The following HIBCH variants were observed in gnomAD, a reference collection of about 807,000 sequenced individuals.
HIBCH encodes the protein 3-hydroxyisobutyryl-CoA hydrolase, also known as 3-hydroxyisobutyryl-CoA hydrolase, mitochondrial.
In HIBCH, 50 loss-of-function variants were observed where a neutral mutation model predicts 58.2. The ratio of observed to expected loss-of-function variants is 0.86; its 90% confidence interval spans 0.68 to 1.09. The LOEUF is 1.09. Among genes scored for constraint, HIBCH ranks in the 50% least tolerant of loss-of-function variants. The pLI is 0.00. For synonymous variants in HIBCH, 151 were observed against 146.9 expected (o/e 1.03, Z -0.20); for missense variants, 450 against 449.7 (o/e 1.00, Z -0.01).
At chr2:190,202,340 T>C (rs2105892424), downstream of HIBCH, 1 of 167,172 alleles carries the variant, frequency 6.0e-6, no homozygotes, top group East Asian at 1.9e-4. Context: ...TATTGTATGT[T>C]AACCCATGAC....
intron 3 of HIBCH, 55 bp downstream of exon 3, chr2:190,296,758 T>A: frequency 6.9e-7 from 1 of 1,445,266 alleles, no homozygotes; most frequent in African/African-American, 1.4e-5. Flanking sequence ...AGAAATGTCC[T>A]ATTATGATAT....
At chr2:190,312,722 A>T (rs1252365225) in intron 1 of HIBCH, among the ~76,000 whole-genome samples, 1 of 152,256 alleles carries the variant, frequency 6.6e-6, no homozygotes, top group Non-Finnish European at 1.5e-5. Context: ...TATAATTCAC[A>T]TTCCTGAACT....
In HIBCH at chr2:190,261,186, AC is replaced by A; in HGVS notation, c.486del (p.Lys162AsnfsTer11). 1.2e-6 allele frequency: 2 copies of A among 1,613,676 alleles called. No individual in the cohort carries two copies. Among genetic ancestry groups the A allele is most frequent in the Non-Finnish European group, 1.7e-6 (2 of 1,179,744 alleles). On this transcript the variant is annotated frameshift_variant, in exon 7 of 14. Coordinates refer to ENST00000359678, the MANE Select transcript of HIBCH (RefSeq NM_014362.4). LOFTEE classifies it high-confidence loss of function. ...GCAGTTTCTGGCATAGCAAAAAGACACTTTTCTGTAGCCACTCGAAATTGCC... is the reference window on the plus strand; with the variant it reads ...GCAGTTTCTGGCATAGCAAAAAGACATTTTCTGTAGCCACTCGAAATTGCC... Reference protein sequence around the residue: ...VHGQFRVATEKCLFAMPETAI... With the variant: ...VHGQFRVATEXCLFAMPETAI...
chr2:190,208,687 G>C (rs1199325483), intron 13 of HIBCH, 193 bp downstream of exon 13: 1 of 438,596 alleles, frequency 2.3e-6, no homozygotes, highest in South Asian at 2.8e-5. Flanking sequence ...TTTTTTTTCA[G>C]ATTTTGGAAT....
Position 190,281,770 on chromosome 2 carries a change from C to T in HIBCH, c.438+5816G>A, listed in dbSNP as rs1687709852. ...GCTTTATGTAAGCTATTAAAAGTAG[C>T]CATGCAGCAGCCTGAATGCTTTGCG... On this transcript the variant is annotated intron_variant, in intron 6 of 13. Coordinates refer to ENST00000359678, the MANE Select transcript of HIBCH (RefSeq NM_014362.4). The surrounding 1 kb of genome is among the most constrained non-coding windows in gnomAD (Gnocchi z 5.4). Among the ~76,000 whole-genome samples the T allele has an allele frequency of 6.6e-6, 1 of 152,132 alleles. No individual in the cohort carries two copies. Among genetic ancestry groups the T allele is most frequent in the Non-Finnish European group, 1.5e-5 (1 of 68,014 alleles).
At chr2:190,190,273 A>G (rs1267714617) in intron 1 of HIBCH, among the ~76,000 whole-genome samples, 2 of 152,192 alleles carry the variant, frequency 1.3e-5, no homozygotes, top group African/African-American at 4.8e-5. Flanking sequence ...ATTTCTATTC[A>G]TAGGGTCACT....
At chr2:190,299,430 C>A (rs942599985) in intron 2 of HIBCH, among the ~76,000 whole-genome samples, 1 of 151,850 alleles carries the variant, frequency 6.6e-6, no homozygotes, top group African/African-American at 2.4e-5. Context: ...GTTTCTCTAA[C>A]GAAAAATTCA....
intron 10 of HIBCH, 71 bp downstream of exon 10, chr2:190,246,083 A>G: frequency 1.1e-6 from 1 of 877,600 alleles, no homozygotes; most frequent in Non-Finnish European, 1.9e-6. Context: ...AATGGTAATT[A>G]TAATGTTAGC....
At chr2:190,201,702 A>G (rs963467279), downstream of HIBCH, 4 of 167,030 alleles carry the variant, frequency 2.4e-5, no homozygotes, top group Non-Finnish European at 5.9e-5. Flanking sequence ...CTCATCATTC[A>G]ACTCTAATTT....
intron 1 of HIBCH, among the ~76,000 whole-genome samples, chr2:190,193,065 T>C (rs545039429): frequency 7.2e-5 from 11 of 152,142 alleles, no homozygotes; most frequent in Non-Finnish European, 1.6e-4. Flanking sequence ...AGAATGACTA[T>C]TGCTGCCTTG....
chr2:190,269,894 A>T (rs1383034590), intron 6 of HIBCH, among the ~76,000 whole-genome samples: 3 of 151,944 alleles, frequency 2.0e-5, no homozygotes, highest in Non-Finnish European at 2.9e-5. Context: ...ATGCAGCCAT[A>T]AAAAAAACAA....
At chr2:190,297,083 C>T in intron 2 of HIBCH, 130 bp from the exon 3 acceptor site, 1 of 808,198 alleles carries the variant, frequency 1.2e-6, no homozygotes, top group Admixed American at 2.4e-5. Context: ...ACTAGGTACA[C>T]CTTATAAGTT....
intron 11 of HIBCH, 115 bp from the exon 12 acceptor site, chr2:190,213,190 T>G: frequency 2.2e-6 from 2 of 911,020 alleles, no homozygotes; most frequent in South Asian, 2.8e-5. Context: ...TCATAAAAGA[T>G]TATACCCTAG....
At chr2:190,284,791 G>A (rs901072984) in intron 6 of HIBCH, among the ~76,000 whole-genome samples, 108 of 152,134 alleles carry the variant, frequency 7.1e-4, no homozygotes, top group African/African-American at 2.6e-3. Context: ...AAATTTACCT[G>A]AGCTTTTATC....
chr2:190,200,986 A>T (rs1024458000), downstream of HIBCH: 3 of 166,970 alleles, frequency 1.8e-5, no homozygotes, highest in African/African-American at 7.3e-5. Flanking sequence ...AGAGGTACAG[A>T]GGGCTGGAAT....
At chr2:190,259,611 T>C (rs558835804) in intron 7 of HIBCH, among the ~76,000 whole-genome samples, 3 of 152,216 alleles carry the variant, frequency 2.0e-5, no homozygotes, top group Non-Finnish European at 2.9e-5. Context: ...TTATTCTTTT[T>C]GATGCTTTTG....
chr2:190,311,412 T>C (rs868180238), intron 1 of HIBCH, among the ~76,000 whole-genome samples: 46 of 152,364 alleles, frequency 3.0e-4, no homozygotes, highest in African/African-American at 1.1e-3. Flanking sequence ...CAGGTCATTT[T>C]TTCCATCAAC....
rs1690413578 is a variant in HIBCH, at chr2:190,207,278, A to G, written c.1045+1602T>C. Among the ~76,000 whole-genome samples the G allele has an allele frequency of 6.6e-6, 1 of 152,252 alleles. No homozygotes were observed. The highest frequency in any genetic ancestry group is 1.5e-5 in the Non-Finnish European group (1 of 68,050). On this transcript the variant is annotated intron_variant, in intron 13 of 13. Transcript: ENST00000359678. This position sits in a 1 kb window ranked among gnomAD's most constrained non-coding sequence, Gnocchi z 4.5. ...TTAAAGAAGGGCTATTATAACATAT[A>G]ATGAATACTTTAACAATATAACCCT...
chr2:190,237,411 T>C (rs1052389827), intron 11 of HIBCH, among the ~76,000 whole-genome samples: 1 of 152,264 alleles, frequency 6.6e-6, no homozygotes, highest in African/African-American at 2.4e-5. Flanking sequence ...AGAGAAGTAG[T>C]ATTCCATTGT....
Sources: allele counts gnomAD v4.1 joint callset (sites outside exome capture counted in the v4.1 genomes callset), GRCh38; gene constraint gnomAD v4.1.1; non-coding constraint Gnocchi (gnomAD v3.1); transcripts MANE v1.5; gene names NCBI Gene and HGNC (gene_info 2026-07-23, HGNC 2026-07-21).